The following ZSCAN1 variants were observed in gnomAD, a reference collection of about 807,000 sequenced individuals.
ZSCAN1 encodes the protein zinc finger and SCAN domain containing 1.
Under a neutral mutation model 23.8 loss-of-function variants are expected in ZSCAN1, and 23 were observed. That is an observed-to-expected ratio of 0.97 (90% CI 0.70 to 1.37). The LOEUF (loss-of-function observed/expected upper bound fraction) is 1.37, where lower values mean the gene tolerates loss of function less well. Ranked by LOEUF, ZSCAN1 falls within the 40% of genes most tolerant of loss-of-function variation. The pLI is 0.00. For missense variants in ZSCAN1, 575 were observed against 554.0 expected, an observed-to-expected ratio of 1.04 and a Z score of -0.38; for synonymous variants, 236 against 232.3, an observed-to-expected ratio of 1.02 and a Z score of -0.15.
At chr19:58,042,541 G>T (rs408751) in intron 4 of ZSCAN1, among the ~76,000 whole-genome samples, 133,930 of 152,182 alleles carry the variant, frequency 0.88, 59,683 homozygotes, top group African/African-American at 0.94. Flanking sequence ...CATCGCGCCC[G>T]GCCCTAAAAT....
rs1262452454 is a variant in ZSCAN1 at position 58,045,950 on chromosome 19, A to C, written c.465+5406A>C. On this transcript the variant is annotated intron_variant, in intron 4 of 5. Transcript: ENST00000282326. This position sits in a 1 kb window ranked among gnomAD's most constrained non-coding sequence, Gnocchi z 4.3. ...GAGGTGGAGGGCAAGCAGGTGGACA[A>C]GGCCAAGCTAGAGGCCACACTGCAG... The C allele has an allele frequency of 1.2e-6, 1 of 842,614 alleles. No homozygotes were observed. The highest frequency in any genetic ancestry group is 2.4e-5 in the East Asian group (1 of 41,596). 52.2% of individuals were successfully genotyped at this position (842,614 alleles called of 1,614,324 possible). A position where few individuals can be genotyped will look rare whatever the true frequency, so the allele number is the denominator to read the frequency against.
chr19:58,044,206 A>G (rs1300142762), intron 4 of ZSCAN1, among the ~76,000 whole-genome samples: 2 of 151,906 alleles, frequency 1.3e-5, no homozygotes, highest in Non-Finnish European at 2.9e-5. Flanking sequence ...CAGGAGGCGG[A>G]GGCTGCAGTG....
chr19:58,046,341 T>G, intron 4 of ZSCAN1: 1 of 922,454 alleles, frequency 1.1e-6, no homozygotes, highest in Non-Finnish European at 1.8e-6. Flanking sequence ...TTTCAAAGAC[T>G]GGTGAAGAAA....
At chr19:58,039,554 G>C (rs532811291) in intron 3 of ZSCAN1, among the ~76,000 whole-genome samples, 59 of 152,254 alleles carry the variant, frequency 3.9e-4, no homozygotes, top group Non-Finnish European at 7.1e-4. Context: ...CGGATCACAA[G>C]GCAGGAGTTC....
At position 58,040,755 on chromosome 19, in the gene ZSCAN1, G is replaced by T. The variant is rs887083260; in HGVS notation, c.465+211G>T. ...GCGAGGGCAGTCAGTGCAGCTGTGTGTTTGCTGTGTGCCTCTGGGCCTCAC... is the reference window on the plus strand; with the variant it reads ...GCGAGGGCAGTCAGTGCAGCTGTGTTTTTGCTGTGTGCCTCTGGGCCTCAC... On this transcript the variant is annotated intron_variant, in intron 4 of 5. Coordinates refer to ENST00000282326, the MANE Select transcript of ZSCAN1 (RefSeq NM_182572.4). This position sits in a 1 kb window ranked among gnomAD's most constrained non-coding sequence, Gnocchi z 5.8. 6.6e-6 allele frequency among the ~76,000 whole-genome samples: 1 copy of T among 152,234 alleles called. No homozygotes were observed. Among genetic ancestry groups the T allele is most frequent in the African/African-American group, 2.4e-5 (1 of 41,458 alleles).
At chr19:58,050,174 C>G (rs2073850263) in intron 4 of ZSCAN1, among the ~76,000 whole-genome samples, 2 of 151,864 alleles carry the variant, frequency 1.3e-5, no homozygotes, top group African/African-American at 4.8e-5. Flanking sequence ...GTGGTTCATG[C>G]CTGTAATCCC....
chr19:58,039,637 C>T (rs1019055376), intron 3 of ZSCAN1, among the ~76,000 whole-genome samples: 6 of 152,074 alleles, frequency 3.9e-5, no homozygotes, highest in Middle Eastern at 3.4e-3. Context: ...CGTGGTGGCG[C>T]GTGCCTATAT....
At chr19:58,046,803 A>G (rs2123434535) in intron 4 of ZSCAN1, 1 of 743,908 alleles carries the variant, frequency 1.3e-6, no homozygotes, top group South Asian at 1.4e-5. Flanking sequence ...CTCCTGCTGC[A>G]CTGCCACCCT....
intron 4 of ZSCAN1, among the ~76,000 whole-genome samples, chr19:58,042,561 G>T (rs1398942739): frequency 6.6e-6 from 1 of 152,116 alleles, no homozygotes; most frequent in African/African-American, 2.4e-5. Context: ...TAGATTTAAA[G>T]ATCATCATGA....
At chr19:58,037,303 G>A (rs74318136) in intron 2 of ZSCAN1, among the ~76,000 whole-genome samples, 1,863 of 152,264 alleles carry the variant, frequency 0.012, 45 homozygotes, top group African/African-American at 0.042. Context: ...GGCAGTGCTG[G>A]CCACACCACG....
Position 58,040,399 on chromosome 19 carries a change from G to T in ZSCAN1, c.371-51G>T. On this transcript the variant is annotated intron_variant, in intron 3 of 5. Transcript: ENST00000282326. The surrounding 1 kb of genome is among the most constrained non-coding windows in gnomAD (Gnocchi z 5.8). ...CCCTCCCCAGAAGGCCTGGAGAATT[G>T]GGGGCTCTGGGAAGAACAGGCCCCT... is the stretch of plus-strand genomic sequence containing the variant. The T allele has an allele frequency of 6.3e-7, 1 of 1,592,002 alleles. No individual in the cohort carries two copies. Among genetic ancestry groups the T allele is most frequent in the South Asian group, 1.1e-5 (1 of 90,458 alleles).
At chr19:58,038,497 G>A (rs935004312) in intron 3 of ZSCAN1, 3 of 568,564 alleles carry the variant, frequency 5.3e-6, no homozygotes, top group Non-Finnish European at 9.3e-6. Flanking sequence ...CTGCTCTCTG[G>A]GAAGGACGCT....
intron 4 of ZSCAN1, chr19:58,046,247 T>C (rs1415919469): frequency 2.6e-6 from 2 of 775,408 alleles, no homozygotes; most frequent in Non-Finnish European, 4.8e-6. Flanking sequence ...AAGAAGTCAC[T>C]CACCAGGAAG....
In ZSCAN1 at chr19:58,053,875, G is replaced by GC. The variant is rs750419236; in HGVS notation, c.1057dup (p.Arg353ProfsTer31). On this transcript the variant is annotated frameshift_variant, in exon 6 of 6. Transcript: ENST00000282326. LOFTEE classifies it low-confidence loss of function (END_TRUNC). This position sits in a 1 kb window ranked among gnomAD's most constrained non-coding sequence, Gnocchi z 5.8. ...CCTGCTGGAGCCACCGAGGAAGAAA[G>GC]CCCCCCGGAGCAAGGGCCCCCGGGA... is the stretch of plus-strand genomic sequence containing the variant. 4 of 1,613,672 alleles carry GC rather than the reference G, an allele frequency of 2.5e-6. No individual in the cohort carries two copies. Among genetic ancestry groups the GC allele is most frequent in the Non-Finnish European group, 8.5e-7 (1 of 1,179,686 alleles).
intron 4 of ZSCAN1, chr19:58,044,909 G>A: frequency 1.2e-6 from 1 of 838,822 alleles, no homozygotes. Flanking sequence ...GCCCGCGGCT[G>A]GCACTCTTCG....
intron 3 of ZSCAN1, among the ~76,000 whole-genome samples, chr19:58,039,196 G>A (rs2073766030): frequency 6.6e-6 from 1 of 152,342 alleles, no homozygotes; most frequent in South Asian, 2.1e-4. Context: ...AGCCCTGTAA[G>A]CTGCAAGGCA....
At position 58,054,188 on chromosome 19, in the gene ZSCAN1, T is replaced by C. The variant is rs1466212460; in HGVS notation, c.*137T>C. 3.3e-6 allele frequency: 4 copies of C among 1,221,394 alleles called. No homozygotes were observed. Among genetic ancestry groups the C allele is most frequent in the Non-Finnish European group, 4.4e-6 (4 of 912,330 alleles). 75.7% of individuals were successfully genotyped at this position (1,221,394 alleles called of 1,614,324 possible). On this transcript the variant is annotated 3_prime_UTR_variant, in exon 6 of 6. Transcript: ENST00000282326. The surrounding 1 kb of genome is among the most constrained non-coding windows in gnomAD (Gnocchi z 4.2). ...CTCCTCTTGAAGGACACAAGCTGTTTCTCGGAAGACCCTGGACACCTGCTC... is the reference window on the plus strand; with the variant it reads ...CTCCTCTTGAAGGACACAAGCTGTTCCTCGGAAGACCCTGGACACCTGCTC...
chr19:58,053,064 A>G lies in ZSCAN1; in HGVS notation c.605-365A>G, dbSNP rs1378342610. On this transcript the variant is annotated intron_variant, in intron 5 of 5. Transcript: ENST00000282326. This position sits in a 1 kb window ranked among gnomAD's most constrained non-coding sequence, Gnocchi z 5.8. The stretch of plus-strand genomic sequence containing the variant: ...AACCTCCGCCTCCTGGGTTCAAGCG[A>G]TTCTCCTGCCTCACCCTCCTGAGTA... 6.6e-6 allele frequency among the ~76,000 whole-genome samples: 1 copy of G among 150,398 alleles called. No homozygotes were observed. Among genetic ancestry groups the G allele is most frequent in the Non-Finnish European group, 1.5e-5 (1 of 67,846 alleles).
Position 58,038,224 on chromosome 19 carries a change from C to T in ZSCAN1, c.370+18C>T. On this transcript the variant is annotated intron_variant, in intron 3 of 5. Transcript: ENST00000282326. ...GCAGGAAGGTGAGAGGCGCAGGCTT[C>T]CTGCCCCGGGCCGGGCCAGGGGGCC... 2 of 1,594,634 alleles carry T rather than the reference C, an allele frequency of 1.3e-6. No individual in the cohort carries two copies. Among genetic ancestry groups the T allele is most frequent in the Non-Finnish European group, 1.7e-6 (2 of 1,173,330 alleles).
Sources: gnomAD v4.1 joint callset for allele counts (sites outside exome capture counted in the v4.1 genomes callset) on GRCh38, gnomAD v4.1.1 for gene constraint, Gnocchi (gnomAD v3.1) non-coding constraint, MANE v1.5 for transcripts, NCBI Gene and HGNC (gene_info 2026-07-23, HGNC 2026-07-21) for gene names.